CPPED1: variants seen among roughly 807,000 people sequenced by gnomAD.
The protein encoded by CPPED1 is serine/threonine-protein phosphatase CPPED1.
Under a neutral mutation model 28.0 loss-of-function variants are expected in CPPED1, and 28 were observed. The ratio of observed to expected loss-of-function variants is 1.00; its 90% CI spans 0.74 to 1.37. CPPED1 has a LOEUF of 1.37. Among genes scored for constraint, CPPED1 ranks in the 40% most tolerant of loss-of-function variants. The pLI, the probability that CPPED1 is intolerant of heterozygous loss-of-function variation, is 0.00. For missense variants in CPPED1, 504 were observed against 416.5 expected (o/e 1.21, Z -1.83); for synonymous variants, 198 against 180.2 (o/e 1.10, Z -0.79).
chr16:12,797,466 C>T (rs1376200978), intron 1 of CPPED1, among the ~76,000 whole-genome samples: 4 of 151,298 alleles, frequency 2.6e-5, no homozygotes, highest in Non-Finnish European at 5.9e-5. Flanking sequence ...GAGGATCGAG[C>T]ATGGCTTGAG....
chr16:12,766,256 T>TAGAG (rs1555490100), intron 2 of CPPED1, among the ~76,000 whole-genome samples: 2 of 134,254 alleles, frequency 1.5e-5, no homozygotes, highest in Admixed American at 7.1e-5. Flanking sequence ...TATATATATA[T>TAGAG]AGAGAGAGAG....
At chr16:12,694,991 T>C (rs1193861888) in intron 3 of CPPED1, among the ~76,000 whole-genome samples, 1 of 152,102 alleles carries the variant, frequency 6.6e-6, no homozygotes, top group African/African-American at 2.4e-5. Context: ...TTGGCCAGGC[T>C]GGTCTTGAAC....
intron 2 of CPPED1, among the ~76,000 whole-genome samples, chr16:12,768,126 C>T (rs1265269901): frequency 6.6e-6 from 1 of 152,320 alleles, no homozygotes; most frequent in South Asian, 2.1e-4. Context: ...TCTGGCTGAA[C>T]CTTCAACTGA....
At chr16:12,716,889 G>A (rs998196744) in intron 2 of CPPED1, among the ~76,000 whole-genome samples, 5 of 151,634 alleles carry the variant, frequency 3.3e-5, no homozygotes, top group African/African-American at 1.2e-4. Context: ...GGTGTTGCAT[G>A]AGTTATGAAG....
At chr16:12,785,275 G>C (rs974936675) in intron 1 of CPPED1, among the ~76,000 whole-genome samples, 3 of 151,910 alleles carry the variant, frequency 2.0e-5, no homozygotes, top group African/African-American at 7.3e-5. Flanking sequence ...TTACAGATGG[G>C]GTCTGGCTTT....
chr16:12,798,884 A>T (rs1466882258), intron 1 of CPPED1, among the ~76,000 whole-genome samples: 3 of 152,196 alleles, frequency 2.0e-5, no homozygotes, highest in Non-Finnish European at 4.4e-5. Flanking sequence ...ATGCCTTAGG[A>T]ATGTGAGCTT....
chr16:12,664,685 C>A lies in CPPED1; in HGVS notation c.*201G>T. On this transcript the variant is annotated 3_prime_UTR_variant, in exon 4 of 4. Coordinates refer to ENST00000381774, the MANE Select transcript of CPPED1 (RefSeq NM_018340.3). The surrounding 1 kb of genome is among the most constrained non-coding windows in gnomAD (Gnocchi z 4.2). ...AAAAACTGATTTCCAGGATCATTCG[C>A]TCCATTTTAAAGGAAATGCAGTTCT... is the stretch of plus-strand genomic sequence containing the variant. 1 of 1,415,580 alleles carries A rather than the reference C, an allele frequency of 7.1e-7. No individual in the cohort carries two copies. The highest frequency in any genetic ancestry group is 1.6e-5 in the South Asian group (1 of 63,200). The allele number at this position is 1,415,580 out of a possible 1,614,324, so 87.7% of individuals were successfully genotyped here.
At chr16:12,760,860 G>A (rs187979659) in intron 2 of CPPED1, 5 of 152,356 alleles carry the variant, frequency 3.3e-5, no homozygotes, top group African/African-American at 1.2e-4. Context: ...CTGGCAGGAT[G>A]GCCTGGACTG....
At chr16:12,676,899 A>T (rs912473203) in intron 3 of CPPED1, among the ~76,000 whole-genome samples, 1 of 152,128 alleles carries the variant, frequency 6.6e-6, no homozygotes, top group African/African-American at 2.4e-5. Flanking sequence ...TGATTTTATT[A>T]TACGATTTAG....
At chr16:12,667,544 A>T (rs1207244727) in intron 3 of CPPED1, among the ~76,000 whole-genome samples, 1 of 152,220 alleles carries the variant, frequency 6.6e-6, no homozygotes, top group Non-Finnish European at 1.5e-5. Context: ...GCTTGATGCC[A>T]GGAGTATGAG....
chr16:12,700,266 C>A, intron 3 of CPPED1, among the ~76,000 whole-genome samples: 1 of 152,106 alleles, frequency 6.6e-6, no homozygotes, highest in Admixed American at 6.6e-5. Context: ...GCAGGTGGTG[C>A]CTGGAGGAAG....
rs570703800 is a variant in CPPED1, at chr16:12,756,551, G to A, written c.289+24634C>T. On this transcript the variant is annotated intron_variant, in intron 2 of 3. Coordinates refer to ENST00000381774, the MANE Select transcript of CPPED1 (RefSeq NM_018340.3). Reference sequence around the variant, plus strand: ...ACTAAAAATACAAAAAAATTAGCTGGGTGTGATGGCACAGGCATGGTGGAG... The same window carrying A: ...ACTAAAAATACAAAAAAATTAGCTGAGTGTGATGGCACAGGCATGGTGGAG... 3.3e-5 allele frequency among the ~76,000 whole-genome samples: 5 copies of A among 152,066 alleles called. No individual in the cohort carries two copies. In the South Asian group the frequency reaches 8.3e-4, roughly 25 times the overall value.
intron 3 of CPPED1, among the ~76,000 whole-genome samples, chr16:12,676,885 C>A (rs1567272990): frequency 6.6e-6 from 1 of 152,150 alleles, no homozygotes; most frequent in Non-Finnish European, 1.5e-5. Context: ...ATGGTTATTA[C>A]CTGTGATTTT....
intron 3 of CPPED1, among the ~76,000 whole-genome samples, chr16:12,696,003 T>G (rs76720316): frequency 0.023 from 3,521 of 152,320 alleles, 135 homozygotes; most frequent in African/African-American, 0.081. Flanking sequence ...GCGACTACCA[T>G]CCTTTTAAAC....
chr16:12,712,595 C>T (rs531021677), intron 2 of CPPED1, among the ~76,000 whole-genome samples: 20 of 152,160 alleles, frequency 1.3e-4, no homozygotes, highest in Admixed American at 8.5e-4. Flanking sequence ...AAACAGGCAT[C>T]ACAAAGAATG....
intron 2 of CPPED1, among the ~76,000 whole-genome samples, chr16:12,719,507 T>C (rs2080126997): frequency 6.6e-6 from 1 of 152,184 alleles, no homozygotes. Flanking sequence ...AAATGTCTCT[T>C]GGAAAGATAC....
At position 12,704,545 on chromosome 16, in the gene CPPED1, G is replaced by A; in HGVS notation, c.715+79C>T. On this transcript the variant is annotated intron_variant, in intron 3 of 3. Coordinates refer to ENST00000381774, the MANE Select transcript of CPPED1 (RefSeq NM_018340.3). ...CTCTCTCCCTTTTTGACACATTGCAGAGAGACGGGAGAAAGATCTGGAAAT... is the reference window on the plus strand; with the variant it reads ...CTCTCTCCCTTTTTGACACATTGCAAAGAGACGGGAGAAAGATCTGGAAAT... 3.5e-6 allele frequency: 5 copies of A among 1,427,290 alleles called. No individual in the cohort carries two copies. In the South Asian group the frequency reaches 6.7e-5, roughly 19 times the overall value. 88.4% of individuals were successfully genotyped at this position (1,427,290 alleles called of 1,614,324 possible). A position where few individuals can be genotyped will look rare whatever the true frequency, so the allele number is the denominator to read the frequency against.
At chr16:12,691,419 G>T (rs1467682141) in intron 3 of CPPED1, among the ~76,000 whole-genome samples, 1 of 152,102 alleles carries the variant, frequency 6.6e-6, no homozygotes, top group African/African-American at 2.4e-5. Flanking sequence ...AGGATTGAAG[G>T]CATGAAGTAG....
intron 3 of CPPED1, among the ~76,000 whole-genome samples, chr16:12,676,571 C>A (rs1303461256): frequency 2.0e-5 from 3 of 152,050 alleles, no homozygotes; most frequent in African/African-American, 7.2e-5. Context: ...TTGGATAAGG[C>A]CAATTCAGAA....
Sources: allele counts gnomAD v4.1 joint callset (sites outside exome capture counted in the v4.1 genomes callset), GRCh38; gene constraint gnomAD v4.1.1; non-coding constraint Gnocchi (gnomAD v3.1); transcripts MANE v1.5; gene names NCBI Gene and HGNC (gene_info 2026-07-23, HGNC 2026-07-21).